The following TENM3 variants were observed in gnomAD, a reference collection of about 807,000 sequenced individuals.
The protein encoded by TENM3 is teneurin transmembrane protein 3, also known as teneurin-3.
TENM3 carries 63 observed loss-of-function variants against 255.1 expected under a neutral mutation model. That is an observed-to-expected ratio of 0.25 (90% CI 0.20 to 0.30). The LOEUF (loss-of-function observed/expected upper bound fraction) is 0.30. TENM3 is among the 10% of genes least tolerant of loss of function. TENM3 has a pLI of 1.00. For missense variants in TENM3, 2,929 were observed against 3,461.1 expected, an observed-to-expected ratio of 0.85 and a Z score of 3.86; for synonymous variants, 1,306 against 1,322.3, an observed-to-expected ratio of 0.99 and a Z score of 0.27.
At chr4:182,033,550 T>C in the TENM3 span, among the ~76,000 whole-genome samples, 1 of 152,202 alleles carries the variant, frequency 6.6e-6, no homozygotes, top group Non-Finnish European at 1.5e-5. Flanking sequence ...ATCTATCAGG[T>C]CCACTTGATC....
At chr4:182,466,367 A>G (rs1732590987) in intron 3 of TENM3, among the ~76,000 whole-genome samples, 1 of 152,072 alleles carries the variant, frequency 6.6e-6, no homozygotes, top group Non-Finnish European at 1.5e-5. Context: ...TTTGGCTTGT[A>G]CCTGCATCAT....
chr4:182,713,988 T>C, intron 12 of TENM3, 99 bp from the exon 13 acceptor site: 1 of 919,812 alleles, frequency 1.1e-6, no homozygotes, highest in Non-Finnish European at 1.7e-6. Flanking sequence ...TTGTGCTGTT[T>C]ATAAAGGCCT....
chr4:181,702,129 T>C, the TENM3 span, among the ~76,000 whole-genome samples: 1 of 152,212 alleles, frequency 6.6e-6, no homozygotes, highest in African/African-American at 2.4e-5. Flanking sequence ...CTGTAGGTTG[T>C]GACGGCAAAT....
At chr4:181,897,976 A>G in the TENM3 span, among the ~76,000 whole-genome samples, 1 of 152,208 alleles carries the variant, frequency 6.6e-6, no homozygotes, top group Admixed American at 6.5e-5. Context: ...CCATCGCATT[A>G]GAGCAATATC....
the TENM3 span, among the ~76,000 whole-genome samples, chr4:181,845,553 C>G: frequency 6.6e-6 from 1 of 152,062 alleles, no homozygotes; most frequent in South Asian, 2.1e-4. Flanking sequence ...CAGAATTAAG[C>G]GTTTGTGCAA....
chr4:182,258,902 G>A (rs948907982), intron 1 of TENM3, among the ~76,000 whole-genome samples: 5 of 152,158 alleles, frequency 3.3e-5, no homozygotes, highest in Admixed American at 6.5e-5. Context: ...CCAGAAACTC[G>A]ACATTTAAAC....
At chr4:181,909,490 G>A in the TENM3 span, among the ~76,000 whole-genome samples, 7 of 152,118 alleles carry the variant, frequency 4.6e-5, no homozygotes, top group African/African-American at 9.6e-5. Context: ...CCCTAAGTCC[G>A]GCCGCCTCAC....
chr4:181,825,144 G>A, the TENM3 span, among the ~76,000 whole-genome samples: 3 of 152,072 alleles, frequency 2.0e-5, no homozygotes, highest in African/African-American at 4.8e-5. Context: ...GGCTCACGCC[G>A]ATAATCCCAG....
intron 4 of TENM3, among the ~76,000 whole-genome samples, chr4:182,603,693 A>G (rs1279615961): frequency 6.6e-6 from 1 of 151,212 alleles, no homozygotes; most frequent in Non-Finnish European, 1.5e-5. Flanking sequence ...CTATATTAAC[A>G]ACTTTATCCA....
At chr4:181,605,491 AAAGAAAGAAAGAAAGAAAGAAAG>A in the TENM3 span, among the ~76,000 whole-genome samples, 2 of 7,978 alleles carry the variant, frequency 2.5e-4, no homozygotes, top group South Asian at 4.2e-3. Context: ...AGAAAGAAAG[AAAGAAAGAAAGAAAGAAAGAAAG>A]AAAGAAAGAA....
the TENM3 span, among the ~76,000 whole-genome samples, chr4:182,014,691 C>T: frequency 6.6e-6 from 1 of 152,034 alleles, no homozygotes; most frequent in Non-Finnish European, 1.5e-5. Context: ...AAATAGGTTG[C>T]AGCAGTATGG....
chr4:182,076,533 G>A, the TENM3 span, among the ~76,000 whole-genome samples: 1 of 152,054 alleles, frequency 6.6e-6, no homozygotes, highest in South Asian at 2.1e-4. Context: ...AAATTCCAGT[G>A]ACCACCTGAT....
At chr4:182,529,535 T>A (rs1249788530) in intron 3 of TENM3, among the ~76,000 whole-genome samples, 1 of 152,128 alleles carries the variant, frequency 6.6e-6, no homozygotes, top group East Asian at 1.9e-4. Flanking sequence ...CATTTCATTC[T>A]TCTTCCTTTC....
At chr4:182,234,295 G>T (rs1756760964) in intron 1 of TENM3, among the ~76,000 whole-genome samples, 1 of 152,142 alleles carries the variant, frequency 6.6e-6, no homozygotes, top group Admixed American at 6.5e-5. Context: ...ACAGAGCACG[G>T]TTCTCTCCTT....
In TENM3 at chr4:182,600,945, G is replaced by A. The variant is rs765977618; in HGVS notation, c.533G>A (p.Gly178Asp). The change falls in exon 4 of 28, where the codon GGC becomes GAC. Residue 178 changes from glycine to aspartate, a missense_variant. Gly to Asp is a moderately conservative substitution (Grantham distance 94). Around this residue, in one of 6 missense-constraint regions of TENM3, gnomAD observed 283 missense variants for 256.9 expected, o/e 1.10. Transcript: ENST00000511685. Reference sequence around the variant, plus strand: ...TCAGAGCAACCTGCAAGCAATCAAGGCCAGTCTACCCTGCAGCCCTTGCCG... The same window carrying A: ...TCAGAGCAACCTGCAAGCAATCAAGACCAGTCTACCCTGCAGCCCTTGCCG... ...SENEQPASNQ[G>D]QSTLQPLPPS... 1 of 1,352,484 alleles carries A rather than the reference G, an allele frequency of 7.4e-7. No individual in the cohort carries two copies. The highest frequency in any genetic ancestry group is 1.0e-6 in the Non-Finnish European group (1 of 985,542). 83.8% of individuals were successfully genotyped at this position (1,352,484 alleles called of 1,614,324 possible).
At chr4:181,475,633 G>A in the TENM3 span, among the ~76,000 whole-genome samples, 1 of 152,162 alleles carries the variant, frequency 6.6e-6, no homozygotes, top group Non-Finnish European at 1.5e-5. Context: ...TTAGCCTAGA[G>A]TTATAGAAAA....
chr4:181,680,752 T>C, the TENM3 span, among the ~76,000 whole-genome samples: 7 of 152,122 alleles, frequency 4.6e-5, no homozygotes, highest in Non-Finnish European at 8.8e-5. Flanking sequence ...ATATGAGATA[T>C]TGCCATTACT....
chr4:182,261,845 A>G (rs925689761), intron 1 of TENM3, among the ~76,000 whole-genome samples: 2 of 152,248 alleles, frequency 1.3e-5, no homozygotes, highest in African/African-American at 2.4e-5. Context: ...ACTTTACTGC[A>G]TAGACACACT....
chr4:181,887,851 T>C, the TENM3 span, among the ~76,000 whole-genome samples: 7 of 152,314 alleles, frequency 4.6e-5, 1 homozygote, highest in South Asian at 2.1e-4. Context: ...CTATCAAGCA[T>C]ATTCCCTTGA....
Sources: gnomAD v4.1 joint callset for allele counts (sites outside exome capture counted in the v4.1 genomes callset) on GRCh38, gnomAD v4.1.1 for gene constraint, gnomAD v4.1.1 regional missense constraint, MANE v1.5 for transcripts, NCBI Gene and HGNC (gene_info 2026-07-23, HGNC 2026-07-21) for gene names.